The following CD72 variants were observed in gnomAD, a reference collection of about 807,000 sequenced individuals.
CD72 encodes the protein CD72 molecule.
Under a neutral mutation model 50.7 loss-of-function variants are expected in CD72, and 28 were observed. The observed-to-expected ratio is 0.55, with a 90% CI of 0.41 to 0.76. The LOEUF (loss-of-function observed/expected upper bound fraction) is 0.76. CD72 is among the 30% of genes least tolerant of loss of function. CD72 has a pLI of 0.00. For missense variants in CD72, 403 were observed against 420.6 expected, an observed-to-expected ratio of 0.96 and a Z score of 0.37; for synonymous variants, 176 against 171.2, an observed-to-expected ratio of 1.03 and a Z score of -0.22.
chr9:35,617,720 T>C (rs989543235), intron 2 of CD72, among the ~76,000 whole-genome samples: 1 of 152,156 alleles, frequency 6.6e-6, no homozygotes, highest in Non-Finnish European at 1.5e-5. Flanking sequence ...GTTCCTATTC[T>C]TCTGTTTCCT....
intron 3 of CD72, chr9:35,616,974 T>C: frequency 1.4e-6 from 2 of 1,439,958 alleles, no homozygotes; most frequent in Non-Finnish European, 1.8e-6. Context: ...GTAGGTGAAT[T>C]GGGACCATCC....
chr9:35,635,292 CTT>C (rs1823279840), intron 1 of CD72, among the ~76,000 whole-genome samples: 1 of 152,168 alleles, frequency 6.6e-6, no homozygotes, highest in African/African-American at 2.4e-5. Flanking sequence ...TCTCTCCTCT[CTT>C]GTTCCTTTTT....
chr9:35,616,449 A>T (rs988237718), intron 4 of CD72, 151 bp downstream of exon 4: 6 of 843,778 alleles, frequency 7.1e-6, no homozygotes, highest in Middle Eastern at 4.5e-4. Context: ...AGGACAATTC[A>T]GGAAGACAAC....
chr9:35,613,030 G>C, intron 5 of CD72, 37 bp from the exon 6 acceptor site: 2 of 1,570,126 alleles, frequency 1.3e-6, no homozygotes, highest in Non-Finnish European at 1.7e-6. Flanking sequence ...AGCAACAGTT[G>C]GGATGAAAGT....
In CD72 at chr9:35,618,376, C is replaced by A; in HGVS notation, c.-73G>T. 1 of 1,599,948 alleles carries A rather than the reference C, an allele frequency of 6.3e-7. No homozygotes were observed. The highest frequency in any genetic ancestry group is 1.1e-5 in the South Asian group (1 of 89,442). ...CCTCCCTTGCCCCTCTCGTCTCTGT[C>A]CGTTTACAACTAGGCTCTGTGTTCC... On this transcript the variant is annotated 5_prime_UTR_variant, in exon 1 of 9. Transcript: ENST00000259633.
intron 1 of CD72, among the ~76,000 whole-genome samples, chr9:35,631,260 G>A (rs1055298969): frequency 5.3e-5 from 8 of 151,888 alleles, no homozygotes; most frequent in Non-Finnish European, 1.2e-4. Context: ...AATCATGTCA[G>A]CAGCAAAAAA....
At chr9:35,629,265 C>T (rs757668519) in intron 1 of CD72, among the ~76,000 whole-genome samples, 3 of 152,116 alleles carry the variant, frequency 2.0e-5, no homozygotes, top group Non-Finnish European at 4.4e-5. Context: ...TGGATTAGCT[C>T]TTCAACTGAG....
intron 1 of CD72, among the ~76,000 whole-genome samples, chr9:35,624,714 G>A (rs1823179723): frequency 6.6e-6 from 1 of 152,162 alleles, no homozygotes; most frequent in Admixed American, 6.5e-5. Context: ...TGGCAAGCAA[G>A]TCTACTGGTG....
At position 35,616,064 on chromosome 9, in the gene CD72, C is replaced by G. The variant is rs1290524404; in HGVS notation, c.567G>C (p.Gln189His). The change falls in exon 5 of 9, where the codon CAG (glutamine) becomes CAC (histidine). Residue 189 changes from glutamine to histidine, a missense_variant. Gln to His is a conservative substitution (Grantham distance 24). Coordinates refer to ENST00000259633, the MANE Select transcript of CD72 (RefSeq NM_001782.3). ...TCTCCTTCGTCTTCTGTCTGTCTGC[C>G]TGGCAGGCCTGTAGCTGCCCTTCGG... ...QAAEGQLQAC[Q>H]ADRQKTKETL... The G allele has an allele frequency of 6.2e-6, 10 of 1,614,198 alleles. No homozygotes were observed. The highest frequency in any genetic ancestry group is 1.1e-5 in the South Asian group (1 of 91,076).
upstream of CD72, among the ~76,000 whole-genome samples, chr9:35,621,806 C>G (rs183511649): frequency 6.6e-6 from 1 of 152,296 alleles, no homozygotes; most frequent in East Asian, 1.9e-4. Context: ...GGAAGAGGAC[C>G]TTGAGCCAAG....
In CD72 at chr9:35,644,335, A is replaced by G. The variant is rs111673933; in HGVS notation, n.408+2068T>C. ...GCTGTATTCCAGCCTGGGCAACAAG[A>G]GTGAAACTCTGTCTCAAAAAAAAAA... On this transcript the variant is annotated intron_variant and non_coding_transcript_variant, in intron 1 of 3. Coordinates refer to the CD72 transcript ENST00000465754. Among the ~76,000 whole-genome samples the G allele has an allele frequency of 8.0e-3, 953 of 118,538 alleles. 7 individuals are homozygous for G. Among genetic ancestry groups the G allele is most frequent in the African/African-American group, 0.018 (598 of 32,398 alleles). 77.8% of individuals were successfully genotyped at this position (118,538 alleles called of 152,430 possible).
At chr9:35,617,100 C>T (rs868812310) in intron 3 of CD72, 76 bp downstream of exon 3, 1 of 1,538,634 alleles carries the variant, frequency 6.5e-7, no homozygotes, top group Non-Finnish European at 8.7e-7. Flanking sequence ...CTGCACCCCG[C>T]GGGGCCCAGC....
Position 35,615,936 on chromosome 9 carries a change from C to G in CD72, c.688+7G>C. On this transcript the variant is annotated splice_region_variant and intron_variant, in intron 5 of 8. Coordinates refer to ENST00000259633, the MANE Select transcript of CD72 (RefSeq NM_001782.3). ...CCTCCCTTCTCTCCTCTCCCCAGAG[C>G]GGATACCTGCTGAGCCGCATGTGAA... is the stretch of plus-strand genomic sequence containing the variant. 6.2e-7 allele frequency: 1 copy of G among 1,608,370 alleles called. No individual in the cohort carries two copies.
rs890137644 is a variant in CD72, at chr9:35,610,723, C to G, written c.981G>C (p.Lys327Asn). 3.1e-6 allele frequency: 5 copies of G among 1,612,808 alleles called. No individual in the cohort carries two copies. Among genetic ancestry groups the G allele is most frequent in the Non-Finnish European group, 4.2e-6 (5 of 1,179,028 alleles). The change falls in exon 8 of 9, where the codon AAG (lysine) becomes AAC (asparagine). Residue 327 changes from lysine (K) to asparagine (N), a missense_variant. Lys to Asn is a moderately conservative substitution (Grantham distance 94, BLOSUM62 0). Coordinates refer to ENST00000259633, the MANE Select transcript of CD72 (RefSeq NM_001782.3). ...RTYAQSSKCN[K>N]VHKTWSWWTL... ...TCCACCATGACCAAGTTTTATGTAC[C>G]TTGTTACATTTTGAGCTTTGAGCAT...
In CD72 at chr9:35,643,995, A is replaced by G. The variant is rs369791945; in HGVS notation, n.408+2408T>C. On this transcript the variant is annotated intron_variant and non_coding_transcript_variant, in intron 1 of 3. Transcript: ENST00000465754. ...AGAAAAACTCCGTCTCAAAACAAAC[A>G]AACAAACAAACTGTAGAAGGCACTT... Among the ~76,000 whole-genome samples the G allele has an allele frequency of 9.2e-4, 139 of 151,866 alleles. 2 individuals are homozygous for G. Among genetic ancestry groups the G allele is most frequent in the African/African-American group, 3.1e-3 (130 of 41,376 alleles).
rs547675978 is a variant in CD72, at chr9:35,632,467, G to T, written n.408+13936C>A. Among the ~76,000 whole-genome samples, 24 of 152,094 alleles carry T rather than the reference G, an allele frequency of 1.6e-4. No individual in the cohort carries two copies. In the South Asian group the frequency reaches 4.6e-3, roughly 29 times the overall value. ...TTACAGGCTTGAGCCACTGTGCCCG[G>T]CCTTCTCCTCTATTTGTAAGAATGT... On this transcript the variant is annotated intron_variant and non_coding_transcript_variant, in intron 1 of 3. Coordinates refer to the CD72 transcript ENST00000465754.
intron 1 of CD72, among the ~76,000 whole-genome samples, chr9:35,640,340 A>G (rs1823326953): frequency 6.6e-6 from 1 of 152,066 alleles, no homozygotes; most frequent in Non-Finnish European, 1.5e-5. Flanking sequence ...AGCTCCCAAG[A>G]TGGTGGTGAG....
At chr9:35,640,350 G>A (rs1438328689) in intron 1 of CD72, among the ~76,000 whole-genome samples, 1 of 152,182 alleles carries the variant, frequency 6.6e-6, no homozygotes, top group Non-Finnish European at 1.5e-5. Context: ...ATGGTGGTGA[G>A]CCGCTTCCAA....
At chr9:35,611,969 T>A (rs774855933) in intron 6 of CD72, 50 bp from the exon 7 acceptor site, 13 of 1,026,982 alleles carry the variant, frequency 1.3e-5, no homozygotes, top group Non-Finnish European at 2.0e-5. Flanking sequence ...TGATGAGAAA[T>A]ATGGAAGAAA....
Sources: gnomAD v4.1 joint callset for allele counts (sites outside exome capture counted in the v4.1 genomes callset) on GRCh38, gnomAD v4.1.1 for gene constraint, MANE v1.5 for transcripts, NCBI Gene and HGNC (gene_info 2026-07-23, HGNC 2026-07-21) for gene names.